ADAMTSL1: variants seen among roughly 807,000 people sequenced by gnomAD.
ADAMTSL1 encodes the protein ADAMTS like 1.
ADAMTSL1 carries 126 observed loss-of-function variants against 201.8 expected under a neutral mutation model. The ratio of observed to expected loss-of-function variants is 0.62; its 90% CI spans 0.54 to 0.72. ADAMTSL1 has a LOEUF of 0.72. Among genes scored for constraint, ADAMTSL1 ranks in the 30% least tolerant of loss-of-function variants. The pLI is 0.00. For synonymous variants in ADAMTSL1, 1,121 were observed against 903.4 expected, an observed-to-expected ratio of 1.24 and a Z score of -4.32; for missense variants, 2,679 against 2,277.8, an observed-to-expected ratio of 1.18 and a Z score of -3.59.
chr9:18,108,327 G>C (rs1824853790), intron 1 of ADAMTSL1, among the ~76,000 whole-genome samples: 1 of 150,868 alleles, frequency 6.6e-6, no homozygotes, highest in South Asian at 2.1e-4. Context: ...ATCCTCCCAT[G>C]TAGCTGGGAG....
At chr9:18,767,826 G>GC (rs1820453703) in intron 16 of ADAMTSL1, among the ~76,000 whole-genome samples, 1 of 152,184 alleles carries the variant, frequency 6.6e-6, no homozygotes. Context: ...ACTGAAATGA[G>GC]CCACAAAGAA....
At chr9:18,547,661 T>A (rs1034365373) in intron 3 of ADAMTSL1, among the ~76,000 whole-genome samples, 2 of 143,076 alleles carry the variant, frequency 1.4e-5, no homozygotes, top group African/African-American at 5.6e-5. Context: ...AAAAGACAGT[T>A]GCCAGTTGCC....
intron 2 of ADAMTSL1, among the ~76,000 whole-genome samples, chr9:18,190,304 A>T (rs1425897340): frequency 6.6e-6 from 1 of 152,186 alleles, no homozygotes; most frequent in Non-Finnish European, 1.5e-5. Flanking sequence ...TGAATGAGTT[A>T]CGCTTGTCCA....
rs149382013 is a variant in ADAMTSL1, at chr9:18,781,298, C to G, written c.3677+3392C>G. Among the ~76,000 whole-genome samples, 12 of 152,266 alleles carry G rather than the reference C, an allele frequency of 7.9e-5. No homozygotes were observed. In the East Asian group the frequency reaches 2.1e-3, roughly 27 times the overall value. On this transcript the variant is annotated intron_variant, in intron 19 of 28. Coordinates refer to ENST00000380548, the MANE Select transcript of ADAMTSL1 (RefSeq NM_001040272.6). ...AGGGAAGATACCTGAGAGGCAGGAA[C>G]AAACAGTTTTTGCTGCCATCACATT...
chr9:18,037,728 A>T (rs1476982929), intron 1 of ADAMTSL1, among the ~76,000 whole-genome samples: 1 of 152,172 alleles, frequency 6.6e-6, no homozygotes, highest in Non-Finnish European at 1.5e-5. Context: ...TTTTTTATGT[A>T]TGTAACAAGA....
At chr9:18,214,561 C>A (rs1394651619) in intron 2 of ADAMTSL1, among the ~76,000 whole-genome samples, 1 of 152,102 alleles carries the variant, frequency 6.6e-6, no homozygotes, top group Non-Finnish European at 1.5e-5. Flanking sequence ...AGATATACTA[C>A]AACAATTATG....
chr9:18,456,903 A>G (rs1205418986), intron 2 of ADAMTSL1, among the ~76,000 whole-genome samples: 1 of 152,144 alleles, frequency 6.6e-6, no homozygotes, highest in Admixed American at 6.6e-5. Context: ...AATTTTTTCC[A>G]TACCTTTCTC....
rs137995537 is a variant in ADAMTSL1 at position 18,232,554 on chromosome 9, A to T, written c.207+68573A>T. Among the ~76,000 whole-genome samples, 36 of 152,294 alleles carry T rather than the reference A, an allele frequency of 2.4e-4. 1 individual carries two copies. The highest frequency in any genetic ancestry group is 1.9e-3 in the East Asian group (10 of 5,186). ...TTGCACCGAAAGAAGTGACTATTGC[A>T]TAGTTAAAACTTAATAAATATGTGT... On this transcript the variant is annotated intron_variant, in intron 2 of 29. Transcript: ENST00000680146.
intron 20 of ADAMTSL1, among the ~76,000 whole-genome samples, chr9:18,811,789 T>C (rs1823522905): frequency 6.6e-6 from 1 of 152,144 alleles, no homozygotes; most frequent in Non-Finnish European, 1.5e-5. Context: ...ATAAAAGGCA[T>C]AGAGACTGGA....
intron 11 of ADAMTSL1, 112 bp from the exon 12 acceptor site, chr9:18,681,700 G>GCGGC: frequency 5.9e-6 from 4 of 673,494 alleles, no homozygotes; most frequent in African/African-American, 2.3e-5. Context: ...CCTCGTGTGG[G>GCGGC]GGGGGGGGGC....
At chr9:18,610,152 A>G (rs1825284622) in intron 4 of ADAMTSL1, among the ~76,000 whole-genome samples, 1 of 152,188 alleles carries the variant, frequency 6.6e-6, no homozygotes, top group African/African-American at 2.4e-5. Context: ...TGACATTTCC[A>G]GAGGGGTAAA....
At chr9:18,051,097 G>T (rs148767983) in intron 1 of ADAMTSL1, among the ~76,000 whole-genome samples, 10 of 152,070 alleles carry the variant, frequency 6.6e-5, no homozygotes, top group African/African-American at 1.7e-4. Flanking sequence ...GTCAGGAGAT[G>T]GAGACCATCC....
chr9:18,769,734 G>A (rs916452523), intron 16 of ADAMTSL1, among the ~76,000 whole-genome samples: 7 of 152,136 alleles, frequency 4.6e-5, no homozygotes, highest in East Asian at 1.9e-4. Context: ...CAACCCTTCC[G>A]TTTATATCCC....
intron 2 of ADAMTSL1, among the ~76,000 whole-genome samples, chr9:18,530,724 C>A (rs1167385978): frequency 2.0e-5 from 3 of 152,154 alleles, no homozygotes; most frequent in Non-Finnish European, 4.4e-5. Context: ...GTGTCCTAGG[C>A]ACAGTCTGAA....
intron 1 of ADAMTSL1, among the ~76,000 whole-genome samples, chr9:18,092,636 C>G (rs1824079333): frequency 6.6e-6 from 1 of 152,158 alleles, no homozygotes; most frequent in African/African-American, 2.4e-5. Flanking sequence ...GGTCCAAAAG[C>G]TCCTAGTAGA....
rs574577901 is a variant in ADAMTSL1 at position 18,403,725 on chromosome 9, T to C, written c.208-101104T>C. On this transcript the variant is annotated intron_variant, in intron 2 of 29. Coordinates refer to the ADAMTSL1 transcript ENST00000680146. Reference sequence around the variant, plus strand: ...TGTCTTTCCTCACCACACTGTCTCCTCCATCTCATATTTTTGTTGCTCCTC... The same window carrying C: ...TGTCTTTCCTCACCACACTGTCTCCCCCATCTCATATTTTTGTTGCTCCTC... Among the ~76,000 whole-genome samples the C allele has an allele frequency of 4.6e-5, 7 of 152,310 alleles. No homozygotes were observed. The East Asian group carries it at 1.4e-3, about 29-fold the overall frequency.
At chr9:18,322,422 C>T (rs1447717049) in intron 2 of ADAMTSL1, among the ~76,000 whole-genome samples, 1 of 152,140 alleles carries the variant, frequency 6.6e-6, no homozygotes, top group African/African-American at 2.4e-5. Context: ...CATCTGAGGT[C>T]AGGAGTTCCA....
rs1316400444 is a variant in ADAMTSL1 at position 18,776,755 on chromosome 9, T to C, written c.2552-26T>C. On this transcript the variant is annotated intron_variant, in intron 18 of 28. Coordinates refer to ENST00000380548, the MANE Select transcript of ADAMTSL1 (RefSeq NM_001040272.6). ...TTCTCTCTCCCCACCTCTTTCTCTG[T>C]CCCTTCGGGTTCGCTCTCCTTCCAG... 2.0e-6 allele frequency: 3 copies of C among 1,521,526 alleles called. No homozygotes were observed. The Admixed American group carries it at 6.3e-5, about 32-fold the overall frequency. 94.3% of individuals were successfully genotyped at this position (1,521,526 alleles called of 1,614,324 possible).
intron 2 of ADAMTSL1, among the ~76,000 whole-genome samples, chr9:18,271,639 T>C (rs1483710216): frequency 6.6e-6 from 1 of 152,198 alleles, no homozygotes; most frequent in Non-Finnish European, 1.5e-5. Context: ...TAAACATACA[T>C]GTGCATGTGT....
Sources: allele counts gnomAD v4.1 joint callset (sites outside exome capture counted in the v4.1 genomes callset), GRCh38; gene constraint gnomAD v4.1.1; transcripts MANE v1.5; gene names NCBI Gene and HGNC (gene_info 2026-07-23, HGNC 2026-07-21).